OSBPL10: variants seen among roughly 807,000 people sequenced by gnomAD.
OSBPL10 encodes oxysterol binding protein like 10, also known as oxysterol-binding protein-related protein 10.
OSBPL10 carries 49 observed loss-of-function variants against 81.7 expected under a neutral mutation model. That is an observed-to-expected ratio of 0.60 (90% CI 0.48 to 0.76). The LOEUF (loss-of-function observed/expected upper bound fraction) is 0.76. Among genes scored for constraint, OSBPL10 ranks in the 30% least tolerant of loss-of-function variants. OSBPL10 has a pLI of 0.00. For missense variants in OSBPL10, 923 were observed against 987.8 expected (o/e 0.93, Z 0.88); for synonymous variants, 419 against 383.6 (o/e 1.09, Z -1.08).
chr3:31,704,912 C>T lies in OSBPL10; in HGVS notation c.1096-2404G>A, dbSNP rs536498656. 2.0e-5 allele frequency: 3 copies of T among 152,366 alleles called. No individual in the cohort carries two copies. In the East Asian group the frequency reaches 5.8e-4, roughly 29 times the overall value. The allele number at this position is 152,366 out of a possible 1,614,324, so 9.4% of individuals were successfully genotyped here. ...ATCCAGCCGCATGATACGGAGTACA[C>T]ACATAAATGTGAAAACAAACCCCTC... On this transcript the variant is annotated intron_variant, in intron 6 of 11. Transcript: ENST00000396556.
At chr3:32,054,658 A>C (rs985695089) in intron 1 of OSBPL10, among the ~76,000 whole-genome samples, 3 of 149,720 alleles carry the variant, frequency 2.0e-5, no homozygotes, top group African/African-American at 7.3e-5. Flanking sequence ...CAGCCTCCCA[A>C]GTAGCTGGGA....
chr3:31,966,153 A>ATGTGTGTGTGTGTGTGTG (rs59737552), intron 1 of OSBPL10, among the ~76,000 whole-genome samples: 1 of 134,842 alleles, frequency 7.4e-6, no homozygotes, highest in Non-Finnish European at 1.6e-5. Context: ...CAACAAAATT[A>ATGTGTGTGTGTGTGTGTG]TGTGTGTGTG....
chr3:31,747,772 G>C, intron 5 of OSBPL10, 138 bp downstream of exon 5: 1 of 851,914 alleles, frequency 1.2e-6, no homozygotes, highest in East Asian at 2.5e-5. Context: ...TAGAGACGAA[G>C]GGCAGTAGAA....
chr3:31,876,591 A>T, intron 2 of OSBPL10, 79 bp from the exon 3 acceptor site: 2 of 1,224,536 alleles, frequency 1.6e-6, no homozygotes, highest in Non-Finnish European at 2.4e-6. Flanking sequence ...ACACCCACCT[A>T]AGGGGGTGGG....
chr3:31,901,745 C>G (rs1236095111), intron 1 of OSBPL10, among the ~76,000 whole-genome samples: 1 of 152,192 alleles, frequency 6.6e-6, no homozygotes, highest in African/African-American at 2.4e-5. Context: ...GCACAAATGC[C>G]TGGTACAAAA....
At chr3:31,935,514 A>ATTTTTTTTTTTTTTTT (rs11359502) in intron 1 of OSBPL10, among the ~76,000 whole-genome samples, 1 of 144,450 alleles carries the variant, frequency 6.9e-6, no homozygotes. Flanking sequence ...TATGAAATAG[A>ATTTTTTTTTTTTTTTT]TTTTTTTTTT....
In OSBPL10 at chr3:32,069,556, G is replaced by A. The variant is rs148439017; in HGVS notation, n.185+7840C>T. On this transcript the variant is annotated intron_variant and non_coding_transcript_variant, in intron 1 of 3. Coordinates refer to the OSBPL10 transcript ENST00000479173. ...AACAGCAACCCTTAGACGCTTTACC[G>A]CCCTAGACCCAGAGGGTCCAGAAGG... Among the ~76,000 whole-genome samples, 412 of 152,232 alleles carry A rather than the reference G, an allele frequency of 2.7e-3. 4 individuals carry two copies. The highest frequency in any genetic ancestry group is 9.3e-3 in the African/African-American group (385 of 41,534).
chr3:31,737,037 C>T (rs1319813078), intron 5 of OSBPL10, among the ~76,000 whole-genome samples: 1 of 152,184 alleles, frequency 6.6e-6, no homozygotes, highest in Non-Finnish European at 1.5e-5. Flanking sequence ...ACTTAGGGCA[C>T]CACAGAGCAA....
intron 5 of OSBPL10, among the ~76,000 whole-genome samples, chr3:31,735,585 T>C (rs1002738427): frequency 1.3e-5 from 2 of 152,170 alleles, no homozygotes; most frequent in Non-Finnish European, 2.9e-5. Context: ...CACATCAGTA[T>C]TTTTTTCCGT....
chr3:31,829,359 T>C (rs575472853), intron 4 of OSBPL10, among the ~76,000 whole-genome samples: 2 of 152,326 alleles, frequency 1.3e-5, no homozygotes, highest in African/African-American at 4.8e-5. Context: ...AACTGATGAC[T>C]TCTCAGTGCA....
intron 1 of OSBPL10, among the ~76,000 whole-genome samples, chr3:31,966,693 T>G (rs576757086): frequency 9.3e-5 from 14 of 150,910 alleles, no homozygotes; most frequent in Non-Finnish European, 5.9e-5. Context: ...GATCACTTCT[T>G]TAAAAAGCAT....
At chr3:31,899,864 G>A (rs551505451) in intron 1 of OSBPL10, among the ~76,000 whole-genome samples, 262 of 152,056 alleles carry the variant, frequency 1.7e-3, no homozygotes, top group African/African-American at 6.2e-3. Flanking sequence ...CACACCTGTG[G>A]TCCCAGCATA....
At chr3:31,915,609 G>A (rs1696731465) in intron 1 of OSBPL10, among the ~76,000 whole-genome samples, 1 of 152,120 alleles carries the variant, frequency 6.6e-6, no homozygotes, top group Non-Finnish European at 1.5e-5. Context: ...GGCGACTAAA[G>A]TAGGGAAGGA....
At chr3:31,852,571 C>CT (rs901806925) in intron 3 of OSBPL10, among the ~76,000 whole-genome samples, 11 of 123,850 alleles carry the variant, frequency 8.9e-5, no homozygotes, top group African/African-American at 3.0e-4. Flanking sequence ...AAGTTTTTTC[C>CT]TTTTTTTGTT....
At chr3:31,708,829 G>T (rs1226551137) in intron 6 of OSBPL10, 1 of 985,430 alleles carries the variant, frequency 1.0e-6, no homozygotes, top group Non-Finnish European at 1.2e-6. Flanking sequence ...TATCTCAGCT[G>T]AAAGGGTGGA....
intron 4 of OSBPL10, among the ~76,000 whole-genome samples, chr3:31,784,406 A>G (rs1162754158): frequency 6.6e-6 from 1 of 151,768 alleles, no homozygotes; most frequent in African/African-American, 2.4e-5. Context: ...AGGAAAAAGG[A>G]AAAGGAAAAG....
intron 8 of OSBPL10, among the ~76,000 whole-genome samples, chr3:31,674,594 GATAGATAGATAGATAGAT>G (rs1250440294): frequency 3.7e-5 from 2 of 54,012 alleles, no homozygotes; most frequent in Non-Finnish European, 6.3e-5. Context: ...TAGATAGATA[GATAGATAGATAGATAGAT>G]AGATAGATAG....
At chr3:31,947,410 A>G (rs1697733574) in intron 1 of OSBPL10, among the ~76,000 whole-genome samples, 3 of 152,188 alleles carry the variant, frequency 2.0e-5, no homozygotes, top group Non-Finnish European at 4.4e-5. Context: ...GAAAAATTGG[A>G]ATGCTATCCT....
chr3:31,962,956 C>T (rs1005233738), intron 1 of OSBPL10, among the ~76,000 whole-genome samples: 1 of 152,200 alleles, frequency 6.6e-6, no homozygotes. Context: ...AAAGACTTCA[C>T]TTTTGTGGCA....
Sources: allele counts gnomAD v4.1 joint callset (sites outside exome capture counted in the v4.1 genomes callset), GRCh38; gene constraint gnomAD v4.1.1; transcripts MANE v1.5; gene names NCBI Gene and HGNC (gene_info 2026-07-23, HGNC 2026-07-21).